ZYG11B: variants seen among roughly 807,000 people sequenced by gnomAD.
ZYG11B encodes the protein protein zyg-11 homolog B.
A neutral mutation model predicts 82.4 loss-of-function variants in ZYG11B; 36 were observed. The ratio of observed to expected loss-of-function variants is 0.44; its 90% CI spans 0.33 to 0.58. The LOEUF (loss-of-function observed/expected upper bound fraction) is 0.58, where lower values mean the gene tolerates loss of function less well. Ranked by LOEUF, ZYG11B falls within the 20% of genes least tolerant of loss-of-function variation. ZYG11B has a pLI of 0.02. For missense variants in ZYG11B, 552 were observed against 895.6 expected (o/e 0.62, Z 4.90); for synonymous variants, 303 against 312.8 (o/e 0.97, Z 0.33).
chr1:52,785,077 C>T (rs769571464), intron 5 of ZYG11B, 24 bp downstream of exon 5: 3 of 1,608,200 alleles, frequency 1.9e-6, no homozygotes, highest in Non-Finnish European at 1.7e-6. Context: ...AATTCCTTTT[C>T]AAATAGTCCT....
rs6588442 is a variant in ZYG11B, at chr1:52,772,200, G to A, written c.951+426G>A. On this transcript the variant is annotated intron_variant, in intron 3 of 13. Coordinates refer to ENST00000294353, the MANE Select transcript of ZYG11B (RefSeq NM_024646.3). ...CTTGAGTACACAGACAAATTTATGC[G>A]ACCAGGGCAGAGGCTGTAGATGATT... is the stretch of plus-strand genomic sequence containing the variant. The A allele has an allele frequency of 3.5e-3, 5,119 of 1,471,230 alleles. 153 individuals are homozygous for A. In the African/African-American group the frequency reaches 0.059, roughly 17 times the overall value. 91.1% of individuals were successfully genotyped at this position (1,471,230 alleles called of 1,614,324 possible).
chr1:52,817,775 G>GTATATATATATATA (rs1553264314), intron 13 of ZYG11B, among the ~76,000 whole-genome samples: 9 of 32,580 alleles, frequency 2.8e-4, no homozygotes, highest in Non-Finnish European at 5.5e-4. Context: ...GTATATATAT[G>GTATATATATATATA]TGTATATATA....
At chr1:52,758,507 C>T (rs1442968301) in intron 2 of ZYG11B, among the ~76,000 whole-genome samples, 1 of 152,096 alleles carries the variant, frequency 6.6e-6, no homozygotes, top group East Asian at 1.9e-4. Flanking sequence ...CAAGTCTGTC[C>T]AATTTTAAAT....
chr1:52,759,865 C>T (rs1275607941), intron 2 of ZYG11B, among the ~76,000 whole-genome samples: 2 of 152,172 alleles, frequency 1.3e-5, no homozygotes, highest in East Asian at 3.9e-4. Flanking sequence ...GAGTCTTGCA[C>T]TGTCACCCAG....
At chr1:52,747,248 T>C (rs1199646844) in intron 1 of ZYG11B, among the ~76,000 whole-genome samples, 1 of 152,116 alleles carries the variant, frequency 6.6e-6, no homozygotes, top group Admixed American at 6.6e-5. Flanking sequence ...ACTGATTTCC[T>C]GTTTGATTCT....
chr1:52,796,423 A>C, intron 7 of ZYG11B, 32 bp downstream of exon 7: 1 of 1,552,186 alleles, frequency 6.4e-7, no homozygotes, highest in Non-Finnish European at 8.9e-7. Flanking sequence ...AATTTTCTGT[A>C]GACAGCTGTT....
At chr1:52,801,556 A>G (rs543786911) in intron 8 of ZYG11B, among the ~76,000 whole-genome samples, 72 of 152,104 alleles carry the variant, frequency 4.7e-4, no homozygotes, top group African/African-American at 1.6e-3. Context: ...AAGATAGTTG[A>G]CCGAAGTTTT....
intron 8 of ZYG11B, 126 bp downstream of exon 8, chr1:52,796,910 ATTATATATTATATATAATTATATATT>A (rs1558137180): frequency 1.1e-5 from 1 of 94,436 alleles, no homozygotes; most frequent in African/African-American, 6.5e-5. Flanking sequence ...TTATATATAT[ATTATATATTATATATAATTATATATT>A]ATATATAATG....
chr1:52,762,876 C>T (rs1316485226), intron 2 of ZYG11B, among the ~76,000 whole-genome samples: 1 of 151,542 alleles, frequency 6.6e-6, no homozygotes, highest in Non-Finnish European at 1.5e-5. Flanking sequence ...GCCACTGCAC[C>T]TGGCCCTCTG....
chr1:52,806,994 C>T (rs1336117889), intron 10 of ZYG11B, among the ~76,000 whole-genome samples: 2 of 151,748 alleles, frequency 1.3e-5, no homozygotes, highest in Non-Finnish European at 2.9e-5. Flanking sequence ...TCAGCCTCCC[C>T]AGTAGCTGGG....
intron 12 of ZYG11B, among the ~76,000 whole-genome samples, 170 bp downstream of exon 12, chr1:52,814,082 A>G (rs1003538623): frequency 1.4e-4 from 21 of 152,118 alleles, no homozygotes; most frequent in Admixed American, 1.4e-3. Context: ...AGTGCAGTGC[A>G]TGATCTTGGC....
rs1336498984 is a variant in ZYG11B, at chr1:52,823,816, A to C, written c.*2187A>C. On this transcript the variant is annotated 3_prime_UTR_variant, in exon 14 of 14. Coordinates refer to ENST00000294353, the MANE Select transcript of ZYG11B (RefSeq NM_024646.3). The stretch of plus-strand genomic sequence containing the variant: ...CCTTCTTTACTCAGAATAACTTCTT[A>C]ATAGTTGAAGCATCCAAAATATGTA... 1 of 152,234 alleles carries C rather than the reference A, an allele frequency of 6.6e-6. No individual in the cohort carries two copies. Among genetic ancestry groups the C allele is most frequent in the African/African-American group, 2.4e-5 (1 of 41,464 alleles). 9.4% of individuals were successfully genotyped at this position (152,234 alleles called of 1,614,324 possible). A position where few individuals can be genotyped will look rare whatever the true frequency, so the allele number is the denominator to read the frequency against.
intron 3 of ZYG11B, among the ~76,000 whole-genome samples, chr1:52,779,303 C>A (rs1177453265): frequency 6.6e-6 from 1 of 152,136 alleles, no homozygotes; most frequent in Non-Finnish European, 1.5e-5. Flanking sequence ...ATCTTGAGAT[C>A]TATTTTAGGT....
chr1:52,742,667 C>T (rs1300629650), intron 1 of ZYG11B, among the ~76,000 whole-genome samples: 1 of 151,780 alleles, frequency 6.6e-6, no homozygotes, highest in Admixed American at 6.6e-5. Context: ...ATGGTGAAGC[C>T]TCGTCTCTAC....
At chr1:52,736,139 A>G (rs188062590) in intron 1 of ZYG11B, among the ~76,000 whole-genome samples, 4 of 152,176 alleles carry the variant, frequency 2.6e-5, no homozygotes, top group Non-Finnish European at 5.9e-5. Flanking sequence ...CTGCTGTGCT[A>G]TACAGATTGT....
intron 1 of ZYG11B, among the ~76,000 whole-genome samples, chr1:52,752,059 A>G (rs1393163138): frequency 6.6e-6 from 1 of 151,890 alleles, no homozygotes; most frequent in Non-Finnish European, 1.5e-5. Context: ...AGTAACCAGC[A>G]TTAACATAGA....
chr1:52,797,074 TATATTGTATATATTTATATATTAC>T (rs1645021150), intron 8 of ZYG11B, among the ~76,000 whole-genome samples: 1 of 52,814 alleles, frequency 1.9e-5, no homozygotes, highest in South Asian at 5.2e-4. Context: ...TTATATATTA[TATATTGTATATATTTATATATTAC>T]ATATTGTATA....
intron 5 of ZYG11B, 119 bp downstream of exon 5, chr1:52,785,172 C>G: frequency 9.0e-7 from 1 of 1,110,692 alleles, no homozygotes; most frequent in Non-Finnish European, 1.3e-6. Flanking sequence ...TGTGGTATGA[C>G]TGAGTGTAAG....
Position 52,823,013 on chromosome 1 carries a change from T to C in ZYG11B, c.*1384T>C, listed in dbSNP as rs998258853. The C allele has an allele frequency of 6.6e-6, 1 of 152,230 alleles. No individual in the cohort carries two copies. Among genetic ancestry groups the C allele is most frequent in the African/African-American group, 2.4e-5 (1 of 41,460 alleles). 9.4% of individuals were successfully genotyped at this position (152,230 alleles called of 1,614,324 possible). ...TGGAATATTAAAATTATAGTGATTA[T>C]TCAGAAGCATTTTAATTTAGAAAGG... On this transcript the variant is annotated 3_prime_UTR_variant, in exon 14 of 14. Transcript: ENST00000294353.
Sources: allele counts gnomAD v4.1 joint callset (sites outside exome capture counted in the v4.1 genomes callset), GRCh38; gene constraint gnomAD v4.1.1; transcripts MANE v1.5; gene names NCBI Gene and HGNC (gene_info 2026-07-23, HGNC 2026-07-21).